The following GOLGA7B variants were observed in gnomAD, a reference collection of about 807,000 sequenced individuals.
The protein encoded by GOLGA7B is golgin A7 family member B, also known as golgin subfamily A member 7B.
A neutral mutation model predicts 21.5 loss-of-function variants in GOLGA7B; 17 were observed. That is an observed-to-expected ratio of 0.79 (90% CI 0.54 to 1.19). The LOEUF (loss-of-function observed/expected upper bound fraction) is 1.19. Ranked by LOEUF, GOLGA7B falls within the 50% of genes most tolerant of loss-of-function variation. The pLI is 0.00. For synonymous variants in GOLGA7B, 87 were observed against 84.0 expected, an observed-to-expected ratio of 1.04 and a Z score of -0.19; for missense variants, 169 against 224.4, an observed-to-expected ratio of 0.75 and a Z score of 1.58.
intron 2 of GOLGA7B, among the ~76,000 whole-genome samples, chr10:97,862,173 A>C (rs1192168857): frequency 6.6e-6 from 1 of 152,252 alleles, no homozygotes. Context: ...GGACAAGTTT[A>C]CTTAGCAGTC....
intron 2 of GOLGA7B, among the ~76,000 whole-genome samples, chr10:97,863,309 A>G (rs1405902510): frequency 6.6e-6 from 1 of 152,216 alleles, no homozygotes; most frequent in Non-Finnish European, 1.5e-5. Flanking sequence ...TTCCTGGCAC[A>G]CAGAAAGTGC....
rs2050069764 is a variant in GOLGA7B at position 97,869,662 on chromosome 10, C to G, written c.*3962C>G. 1 of 152,300 alleles carries G rather than the reference C, an allele frequency of 6.6e-6. No homozygotes were observed. The highest frequency in any genetic ancestry group is 1.5e-5 in the Non-Finnish European group (1 of 68,096). 9.4% of individuals were successfully genotyped at this position (152,300 alleles called of 1,614,324 possible). A position where few individuals can be genotyped will look rare whatever the true frequency, so the allele number is the denominator to read the frequency against. ...GGATTATGCACTGCACTCGGGGAATCAAAGGTGGAGACAGAAAGAACTATG... is the reference window on the plus strand; with the variant it reads ...GGATTATGCACTGCACTCGGGGAATGAAAGGTGGAGACAGAAAGAACTATG... On this transcript the variant is annotated 3_prime_UTR_variant, in exon 5 of 5. Transcript: ENST00000370602.
rs1231173179 is a variant in GOLGA7B at position 97,867,892 on chromosome 10, G to A, written c.*2192G>A. On this transcript the variant is annotated 3_prime_UTR_variant, in exon 5 of 5. Transcript: ENST00000370602. ...GTCTTCTTGGAGCTTGCAGTCTACTGAAGAGGCAGACACCTCAGCATCTCT... is the reference window on the plus strand; with the variant it reads ...GTCTTCTTGGAGCTTGCAGTCTACTAAAGAGGCAGACACCTCAGCATCTCT... 6.6e-6 allele frequency: 1 copy of A among 152,282 alleles called. No homozygotes were observed. Among genetic ancestry groups the A allele is most frequent in the Admixed American group, 6.5e-5 (1 of 15,288 alleles). The allele number at this position is 152,282 out of a possible 1,614,324, so 9.4% of individuals were successfully genotyped here.
chr10:97,855,260 G>T (rs536858491), intron 1 of GOLGA7B, among the ~76,000 whole-genome samples: 2 of 152,216 alleles, frequency 1.3e-5, no homozygotes, highest in South Asian at 4.2e-4. Context: ...AAAAAACAAT[G>T]CTAAAAAAAG....
intron 1 of GOLGA7B, among the ~76,000 whole-genome samples, chr10:97,857,234 T>C (rs2049940562): frequency 6.6e-6 from 1 of 152,204 alleles, no homozygotes; most frequent in South Asian, 2.1e-4. Context: ...CTTTAATCCA[T>C]GTTGAATTAA....
rs1462719991 is a variant in GOLGA7B, at chr10:97,869,370, G to A, written c.*3670G>A. 1 of 152,420 alleles carries A rather than the reference G, an allele frequency of 6.6e-6. No homozygotes were observed. The highest frequency in any genetic ancestry group is 1.9e-4 in the East Asian group (1 of 5,186). The allele number at this position is 152,420 out of a possible 1,614,324, so 9.4% of individuals were successfully genotyped here. A position where few individuals can be genotyped will look rare whatever the true frequency, so the allele number is the denominator to read the frequency against. On this transcript the variant is annotated 3_prime_UTR_variant, in exon 5 of 5. Coordinates refer to ENST00000370602, the MANE Select transcript of GOLGA7B (RefSeq NM_001010917.3). ...TACAGGTGGTGGCCTGTCTCTCCGG[G>A]GTCTGGCTGTAGCCATGTCCCTGCA...
chr10:97,864,675 A>G (rs1458348822), intron 4 of GOLGA7B, among the ~76,000 whole-genome samples: 1 of 152,194 alleles, frequency 6.6e-6, no homozygotes, highest in Non-Finnish European at 1.5e-5. Flanking sequence ...CTCCAGGAAT[A>G]TGCAAATCAC....
rs1461998132 is a variant in GOLGA7B at position 97,869,415 on chromosome 10, A to T, written c.*3715A>T. The T allele has an allele frequency of 1.3e-5, 2 of 152,474 alleles. No individual in the cohort carries two copies. Among genetic ancestry groups the T allele is most frequent in the East Asian group, 3.9e-4 (2 of 5,190 alleles). The allele number at this position is 152,474 out of a possible 1,614,324, so 9.4% of individuals were successfully genotyped here. A position where few individuals can be genotyped will look rare whatever the true frequency, so the allele number is the denominator to read the frequency against. ...CCTGCACCCACCTTGCCAGCCAGGG[A>T]CAGGCCCCATCAAGACCCAGGAGCA... On this transcript the variant is annotated 3_prime_UTR_variant, in exon 5 of 5. Transcript: ENST00000370602.
intron 2 of GOLGA7B, 51 bp from the exon 3 acceptor site, chr10:97,863,879 G>T (rs1564866916): frequency 6.4e-7 from 1 of 1,560,084 alleles, no homozygotes; most frequent in African/African-American, 1.4e-5. Flanking sequence ...ACCTGTGACT[G>T]TGCACACTCC....
chr10:97,852,642 T>C (rs1381063800), intron 1 of GOLGA7B, among the ~76,000 whole-genome samples: 1 of 151,830 alleles, frequency 6.6e-6, no homozygotes, highest in Admixed American at 6.6e-5. Context: ...TCTGTTAGGA[T>C]TCTCAATAGG....
Position 97,863,911 on chromosome 10 carries a change from G to A in GOLGA7B, c.139-19G>A. On this transcript the variant is annotated intron_variant, in intron 2 of 4. Coordinates refer to ENST00000370602, the MANE Select transcript of GOLGA7B (RefSeq NM_001010917.3). ...CTCCAGGGAGGCTAACCGCAGCCTG[G>A]CTCTGTCCCTTTCTCCAGATCGAGC... 1 of 1,603,400 alleles carries A rather than the reference G, an allele frequency of 6.2e-7. No individual in the cohort carries two copies. Among genetic ancestry groups the A allele is most frequent in the Non-Finnish European group, 8.5e-7 (1 of 1,174,246 alleles).
At chr10:97,857,875 AAC>A (rs1185596267) in intron 1 of GOLGA7B, among the ~76,000 whole-genome samples, 1 of 152,222 alleles carries the variant, frequency 6.6e-6, no homozygotes, top group Non-Finnish European at 1.5e-5. Context: ...ACTGATCTTT[AAC>A]ACAGTCTTTC....
At chr10:97,853,242 T>C (rs1446957856) in intron 1 of GOLGA7B, among the ~76,000 whole-genome samples, 1 of 152,170 alleles carries the variant, frequency 6.6e-6, no homozygotes, top group Non-Finnish European at 1.5e-5. Flanking sequence ...CACTCCTCCT[T>C]CACACCCCAG....
chr10:97,861,451 T>A (rs775819256), intron 2 of GOLGA7B, among the ~76,000 whole-genome samples: 47 of 152,236 alleles, frequency 3.1e-4, no homozygotes, highest in Non-Finnish European at 5.4e-4. Flanking sequence ...GAGAGCCAGA[T>A]GCACCATCCC....
chr10:97,851,147 A>G (rs1286471434), intron 1 of GOLGA7B, among the ~76,000 whole-genome samples: 1 of 152,116 alleles, frequency 6.6e-6, no homozygotes. Context: ...CGAAAGGACT[A>G]ATTTGCTACT....
chr10:97,864,641 G>T (rs2049999724), intron 4 of GOLGA7B, among the ~76,000 whole-genome samples: 1 of 152,134 alleles, frequency 6.6e-6, no homozygotes, highest in Admixed American at 6.5e-5. Context: ...TTGCACCCAG[G>T]CTCACCCTTA....
In GOLGA7B at chr10:97,857,734, C is replaced by T. The variant is rs565185743; in HGVS notation, c.13-1724C>T. ...GCAAAGAACAAATTACATTGCCTGA[C>T]GTTAAATTATACTACGAGGCTATAA... On this transcript the variant is annotated intron_variant, in intron 1 of 4. Transcript: ENST00000370602. Among the ~76,000 whole-genome samples, 7 of 152,192 alleles carry T rather than the reference C, an allele frequency of 4.6e-5. No homozygotes were observed. In the South Asian group the frequency reaches 8.3e-4, roughly 18 times the overall value.
rs1050064802 is a variant in GOLGA7B, at chr10:97,869,587, G to A, written c.*3887G>A. On this transcript the variant is annotated 3_prime_UTR_variant, in exon 5 of 5. Transcript: ENST00000370602. ...TCCTTCCTTTGGCCACAGGGCGGGT[G>A]TGTGTGAAACCACAGGGTTTACAGA... 2 of 152,410 alleles carry A rather than the reference G, an allele frequency of 1.3e-5. No homozygotes were observed. Among genetic ancestry groups the A allele is most frequent in the East Asian group, 1.9e-4 (1 of 5,192 alleles). 9.4% of individuals were successfully genotyped at this position (152,410 alleles called of 1,614,324 possible).
At chr10:97,853,499 C>T (rs1407107719) in intron 1 of GOLGA7B, among the ~76,000 whole-genome samples, 2 of 152,234 alleles carry the variant, frequency 1.3e-5, no homozygotes, top group African/African-American at 4.8e-5. Context: ...TCCAGGCAGA[C>T]TCCCCCTCCT....
Sources: allele counts gnomAD v4.1 joint callset (sites outside exome capture counted in the v4.1 genomes callset), GRCh38; gene constraint gnomAD v4.1.1; transcripts MANE v1.5; gene names NCBI Gene and HGNC (gene_info 2026-07-23, HGNC 2026-07-21).